Variants in SLC39A11 observed in about 807,000 individuals in gnomAD.
SLC39A11 encodes solute carrier family 39 member 11.
A neutral mutation model predicts 36.1 loss-of-function variants in SLC39A11; 33 were observed. The observed-to-expected ratio is 0.91, with a 90% CI of 0.69 to 1.22. The LOEUF (loss-of-function observed/expected upper bound fraction) is 1.22, where lower values mean the gene tolerates loss of function less well. Among genes scored for constraint, SLC39A11 ranks in the 50% most tolerant of loss-of-function variants. The pLI, the probability that SLC39A11 is intolerant of heterozygous loss-of-function variation, is 0.00. For synonymous variants in SLC39A11, 166 were observed against 170.3 expected (o/e 0.97, Z 0.20); for missense variants, 432 against 430.3 (o/e 1.00, Z -0.03).
intron 7 of SLC39A11, among the ~76,000 whole-genome samples, chr17:72,729,428 TATATATATATATATATATATATATATATA>T (rs1423998863): frequency 0.3 from 1,573 of 5,224 alleles, 147 homozygotes; most frequent in African/African-American, 0.42. Flanking sequence ...TATATATATA[TATATATATATATATATATATATATATATA>T]TTTTTTTTTT....
intron 1 of SLC39A11, chr17:73,092,357 C>A (rs555799359): frequency 6.6e-6 from 1 of 152,268 alleles, no homozygotes; most frequent in Non-Finnish European, 1.5e-5. Context: ...CATGTCATTG[C>A]CTTCCAGATC....
At chr17:72,779,392 T>G (rs1438697168) in intron 6 of SLC39A11, among the ~76,000 whole-genome samples, 1 of 151,982 alleles carries the variant, frequency 6.6e-6, no homozygotes, top group East Asian at 1.9e-4. Flanking sequence ...ACCATTGCAC[T>G]GCAGCCCGGG....
intron 5 of SLC39A11, among the ~76,000 whole-genome samples, chr17:72,866,824 T>G (rs1352683936): frequency 6.6e-6 from 1 of 152,218 alleles, no homozygotes; most frequent in Non-Finnish European, 1.5e-5. Context: ...TTGATTTTTC[T>G]TTCAAAAGTC....
chr17:72,741,100 G>A (rs2074678169), intron 6 of SLC39A11, among the ~76,000 whole-genome samples: 1 of 152,138 alleles, frequency 6.6e-6, no homozygotes, highest in Admixed American at 6.6e-5. Context: ...GCAGACGCCC[G>A]CAACACTTGA....
At chr17:72,942,053 GTATTAT>G (rs1172911400) in intron 5 of SLC39A11, among the ~76,000 whole-genome samples, 7 of 112,622 alleles carry the variant, frequency 6.2e-5, no homozygotes, top group Admixed American at 6.2e-4. Flanking sequence ...GCTAATTTTT[GTATTAT>G]TATTATTTTT....
At chr17:73,013,260 G>A (rs1275002780) in intron 4 of SLC39A11, among the ~76,000 whole-genome samples, 1 of 151,628 alleles carries the variant, frequency 6.6e-6, no homozygotes, top group Admixed American at 6.6e-5. Context: ...GCTAATTTTT[G>A]TATCTTTAAT....
chr17:73,040,918 G>A (rs573865940), intron 3 of SLC39A11, among the ~76,000 whole-genome samples: 3 of 150,576 alleles, frequency 2.0e-5, no homozygotes, highest in South Asian at 2.1e-4. Context: ...CCAGGAGGCA[G>A]AGGTTGCAGT....
In SLC39A11 at chr17:72,903,372, A is replaced by G. The variant is rs371791718; in HGVS notation, c.430+44380T>C. Among the ~76,000 whole-genome samples the G allele has an allele frequency of 1.2e-3, 178 of 152,186 alleles. 1 individual carries two copies. The South Asian group carries it at 0.013, about 11-fold the overall frequency. On this transcript the variant is annotated intron_variant, in intron 5 of 9. Coordinates refer to ENST00000255559, the MANE Select transcript of SLC39A11 (RefSeq NM_139177.4). ...GATGGATCTTCAACAACAAAAGCCC[A>G]TTGCAGCCCCTGATGCTGGGTCTCT... is the stretch of plus-strand genomic sequence containing the variant.
At chr17:72,697,690 G>T (rs1389264279) in intron 7 of SLC39A11, among the ~76,000 whole-genome samples, 1 of 152,104 alleles carries the variant, frequency 6.6e-6, no homozygotes. Flanking sequence ...ATATCCCCTG[G>T]CAGGGACCAT....
Position 72,769,337 on chromosome 17 carries a change from G to A in SLC39A11, c.602-32618C>T, listed in dbSNP as rs1055942210. ...GGAGGTTAATGACCTTTAAAAACCC[G>A]TGCATTACATACAATAGAACATTAT... On this transcript the variant is annotated intron_variant, in intron 6 of 9. Transcript: ENST00000255559. Among the ~76,000 whole-genome samples, 22 of 152,216 alleles carry A rather than the reference G, an allele frequency of 1.4e-4. No homozygotes were observed. In the East Asian group the frequency reaches 1.5e-3, roughly 11 times the overall value.
At chr17:72,666,163 G>A (rs190587454) in intron 7 of SLC39A11, among the ~76,000 whole-genome samples, 75 of 152,308 alleles carry the variant, frequency 4.9e-4, no homozygotes, top group African/African-American at 1.7e-3. Flanking sequence ...CAGATCCTAC[G>A]TTTTGTGATC....
intron 7 of SLC39A11, among the ~76,000 whole-genome samples, chr17:72,668,201 T>TAA (rs201300191): frequency 5.4e-4 from 80 of 149,526 alleles, no homozygotes; most frequent in Non-Finnish European, 7.1e-4. Context: ...TAAGAATCTT[T>TAA]TAAAAAAAAA....
chr17:72,944,414 C>A (rs1834866914), intron 5 of SLC39A11, among the ~76,000 whole-genome samples: 1 of 152,172 alleles, frequency 6.6e-6, no homozygotes, highest in Admixed American at 6.5e-5. Context: ...AAAAAAAACT[C>A]AACTTGACAG....
chr17:72,805,042 A>T (rs2077206275), intron 6 of SLC39A11, among the ~76,000 whole-genome samples: 1 of 152,080 alleles, frequency 6.6e-6, no homozygotes, highest in Non-Finnish European at 1.5e-5. Context: ...TAATCTCCCA[A>T]GTCCCCTTCC....
intron 7 of SLC39A11, among the ~76,000 whole-genome samples, chr17:72,682,512 G>T (rs904183568): frequency 5.9e-5 from 9 of 152,256 alleles, no homozygotes; most frequent in African/African-American, 2.2e-4. Flanking sequence ...GGAACTGACT[G>T]TGTGGGGAGG....
chr17:72,697,071 T>C (rs2072338122), intron 7 of SLC39A11, among the ~76,000 whole-genome samples: 1 of 152,180 alleles, frequency 6.6e-6, no homozygotes, highest in Admixed American at 6.5e-5. Flanking sequence ...GCAAAATACT[T>C]TTACATATTT....
intron 5 of SLC39A11, among the ~76,000 whole-genome samples, chr17:72,855,109 C>T (rs889435507): frequency 2.6e-5 from 4 of 152,166 alleles, no homozygotes; most frequent in Admixed American, 6.5e-5. Context: ...GATCAGCAAC[C>T]GCCTTTGAAA....
intron 6 of SLC39A11, among the ~76,000 whole-genome samples, chr17:72,789,029 G>A (rs1360928967): frequency 6.6e-6 from 1 of 151,952 alleles, no homozygotes; most frequent in Non-Finnish European, 1.5e-5. Context: ...AGTTACCAGA[G>A]AGGACAAAGG....
chr17:72,801,820 G>A (rs1442376250), intron 6 of SLC39A11, among the ~76,000 whole-genome samples: 5 of 152,040 alleles, frequency 3.3e-5, no homozygotes, highest in Admixed American at 1.3e-4. Context: ...TCATAAAATC[G>A]TACATAAAAA....
Sources: gnomAD v4.1 joint callset for allele counts (sites outside exome capture counted in the v4.1 genomes callset) on GRCh38, gnomAD v4.1.1 for gene constraint, MANE v1.5 for transcripts, NCBI Gene and HGNC (gene_info 2026-07-23, HGNC 2026-07-21) for gene names.